The following ARID5B variants were observed in gnomAD, a reference collection of about 807,000 sequenced individuals.
ARID5B encodes AT-rich interaction domain 5B, also known as AT-rich interactive domain-containing protein 5B.
Under a neutral mutation model 97.2 loss-of-function variants are expected in ARID5B, and 13 were observed. The observed-to-expected ratio is 0.13, with a 90% CI of 0.09 to 0.21. The LOEUF (loss-of-function observed/expected upper bound fraction) is 0.21, where lower values mean the gene tolerates loss of function less well. Ranked by LOEUF, ARID5B falls within the 10% of genes least tolerant of loss-of-function variation. ARID5B has a pLI of 1.00. For missense variants in ARID5B, 1,210 were observed against 1,465.3 expected (o/e 0.83, Z 2.84); for synonymous variants, 556 against 570.3 (o/e 0.97, Z 0.36).
chr10:61,995,385 G>A (rs1437412523), intron 3 of ARID5B, among the ~76,000 whole-genome samples: 2 of 152,176 alleles, frequency 1.3e-5, no homozygotes, highest in African/African-American at 4.8e-5. Flanking sequence ...AGAAGTAGCC[G>A]AGGAATTTAA....
At chr10:61,947,396 G>A (rs1297811293) in intron 3 of ARID5B, among the ~76,000 whole-genome samples, 1 of 150,696 alleles carries the variant, frequency 6.6e-6, no homozygotes, top group Non-Finnish European at 1.5e-5. Flanking sequence ...AGCCTCCCAA[G>A]TAGCTGGGAT....
chr10:62,089,461 T>G (rs968019075), intron 9 of ARID5B, among the ~76,000 whole-genome samples: 11 of 150,994 alleles, frequency 7.3e-5, no homozygotes, highest in South Asian at 2.1e-4. Flanking sequence ...CTTCCTTCCT[T>G]CCTGCCTGCC....
At chr10:62,023,473 T>C (rs192977499) in intron 4 of ARID5B, among the ~76,000 whole-genome samples, 91 of 152,298 alleles carry the variant, frequency 6.0e-4, no homozygotes, top group African/African-American at 2.1e-3. Flanking sequence ...TGTGAGCAGG[T>C]CACTGCCACA....
At chr10:61,967,371 G>C (rs1427912193) in intron 3 of ARID5B, among the ~76,000 whole-genome samples, 2 of 152,168 alleles carry the variant, frequency 1.3e-5, no homozygotes, top group Non-Finnish European at 2.9e-5. Context: ...AGAGCTCTTA[G>C]TTCAAAGTAA....
intron 3 of ARID5B, among the ~76,000 whole-genome samples, chr10:61,957,462 T>C (rs1317860670): frequency 6.6e-6 from 1 of 152,090 alleles, no homozygotes; most frequent in Non-Finnish European, 1.5e-5. Context: ...AGAGACAGGG[T>C]TTCACCATTT....
intron 4 of ARID5B, among the ~76,000 whole-genome samples, chr10:62,026,600 TA>T (rs1163959151): frequency 2.0e-5 from 3 of 152,246 alleles, no homozygotes; most frequent in Non-Finnish European, 2.9e-5. Context: ...TTGAATATTT[TA>T]CTGGAACTAA....
At chr10:61,923,286 A>C (rs1844048655) in intron 2 of ARID5B, among the ~76,000 whole-genome samples, 1 of 151,924 alleles carries the variant, frequency 6.6e-6, no homozygotes, top group South Asian at 2.1e-4. Context: ...TTTCTTTCTC[A>C]GGGTCTGAGC....
intron 3 of ARID5B, among the ~76,000 whole-genome samples, chr10:61,983,428 G>T (rs932926461): frequency 9.2e-5 from 14 of 152,258 alleles, no homozygotes; most frequent in African/African-American, 3.4e-4. Flanking sequence ...ATACTTTGGT[G>T]GTATCTTGGC....
At chr10:62,079,186 C>T (rs1039985543) in intron 8 of ARID5B, among the ~76,000 whole-genome samples, 1 of 152,146 alleles carries the variant, frequency 6.6e-6, no homozygotes, top group Non-Finnish European at 1.5e-5. Flanking sequence ...TGGTATGTCT[C>T]CGTGTTGATA....
At chr10:62,042,727 C>T (rs558181049) in intron 4 of ARID5B, among the ~76,000 whole-genome samples, 7 of 151,664 alleles carry the variant, frequency 4.6e-5, no homozygotes, top group Admixed American at 2.6e-4. Flanking sequence ...CTGGCTAACA[C>T]GGTGAAACCC....
chr10:61,951,425 T>C (rs1468984651), intron 3 of ARID5B, among the ~76,000 whole-genome samples: 1 of 152,234 alleles, frequency 6.6e-6, no homozygotes, highest in African/African-American at 2.4e-5. Context: ...ACTTGCTTTT[T>C]GAATTTTTAA....
At chr10:62,059,317 ATG>A in intron 7 of ARID5B, 22 bp downstream of exon 7, 5 of 1,606,558 alleles carry the variant, frequency 3.1e-6, no homozygotes, top group Non-Finnish European at 4.3e-6. Flanking sequence ...AGCAACTTAA[ATG>A]AAATAATTTT....
intron 3 of ARID5B, among the ~76,000 whole-genome samples, chr10:61,999,481 C>T (rs1180107013): frequency 2.6e-5 from 4 of 152,152 alleles, no homozygotes; most frequent in Non-Finnish European, 4.4e-5. Context: ...TGTAGAGTAC[C>T]GGTGTTCACC....
chr10:61,972,083 A>G (rs1392706618), intron 3 of ARID5B, among the ~76,000 whole-genome samples: 2 of 152,138 alleles, frequency 1.3e-5, no homozygotes, highest in Non-Finnish European at 2.9e-5. Context: ...ATACAAAGAA[A>G]CAGAAAGAAA....
chr10:61,931,154 C>G (rs369245433), intron 2 of ARID5B, among the ~76,000 whole-genome samples: 4 of 152,116 alleles, frequency 2.6e-5, no homozygotes, highest in African/African-American at 9.7e-5. Flanking sequence ...CTCAAAGTTT[C>G]GGACTCAGGA....
chr10:61,986,939 C>G (rs2132851723), intron 3 of ARID5B, among the ~76,000 whole-genome samples: 1 of 152,226 alleles, frequency 6.6e-6, no homozygotes, highest in South Asian at 2.1e-4. Context: ...CAAGGCTTAA[C>G]AAAAGGAACC....
chr10:61,984,418 C>G (rs974199358), intron 3 of ARID5B, among the ~76,000 whole-genome samples: 1 of 152,194 alleles, frequency 6.6e-6, no homozygotes, highest in African/African-American at 2.4e-5. Flanking sequence ...CATAAGGAGA[C>G]TTAGGTTACT....
intron 8 of ARID5B, among the ~76,000 whole-genome samples, chr10:62,078,865 A>G (rs1840172721): frequency 6.6e-6 from 1 of 152,214 alleles, no homozygotes; most frequent in African/African-American, 2.4e-5. Context: ...GAATTCATGG[A>G]GGATATGATT....
At chr10:61,943,016 C>T (rs905770545) in intron 3 of ARID5B, among the ~76,000 whole-genome samples, 2 of 152,056 alleles carry the variant, frequency 1.3e-5, no homozygotes, top group African/African-American at 2.4e-5. Context: ...AATTTAGGGC[C>T]TTGAAATTCT....
Sources: gnomAD v4.1 joint callset for allele counts (sites outside exome capture counted in the v4.1 genomes callset) on GRCh38, gnomAD v4.1.1 for gene constraint, MANE v1.5 for transcripts, NCBI Gene and HGNC (gene_info 2026-07-23, HGNC 2026-07-21) for gene names.